IL1RAPL2: variants seen among roughly 807,000 people sequenced by gnomAD.
IL1RAPL2 encodes interleukin 1 receptor accessory protein like 2.
A neutral mutation model predicts 44.1 loss-of-function variants in IL1RAPL2; 3 were observed. That is an observed-to-expected ratio of 0.07 (90% CI 0.03 to 0.18). The LOEUF (loss-of-function observed/expected upper bound fraction) is 0.18. Ranked by LOEUF, IL1RAPL2 falls within the 10% of genes least tolerant of loss-of-function variation. IL1RAPL2 has a pLI of 1.00. For synonymous variants in IL1RAPL2, 181 were observed against 178.8 expected (o/e 1.01, Z -0.10); for missense variants, 391 against 496.4 (o/e 0.79, Z 2.02).
chrX:105,134,802 G>A (rs1399109903), intron 2 of IL1RAPL2, among the ~76,000 whole-genome samples: 1 of 111,291 alleles, frequency 9.0e-6, no homozygotes, highest in African/African-American at 3.3e-5. Context: ...CCTTATGTTT[G>A]TACCTAATCT....
At chrX:105,074,307 C>T (rs1267406398) in intron 2 of IL1RAPL2, among the ~76,000 whole-genome samples, 1 of 111,541 alleles carries the variant, frequency 9.0e-6, no homozygotes, top group Non-Finnish European at 1.9e-5. Flanking sequence ...GGATCCTTTC[C>T]CCATTTCTTG....
intron 2 of IL1RAPL2, among the ~76,000 whole-genome samples, chrX:105,099,453 CT>C (rs36063657): frequency 4.2e-3 from 149 of 35,853 alleles, no homozygotes; most frequent in African/African-American, 0.01. Flanking sequence ...GTGCCACATA[CT>C]TTTTTTTTTT....
chrX:104,936,654 G>A (rs1925035018), intron 2 of IL1RAPL2, among the ~76,000 whole-genome samples: 2 of 91,057 alleles, frequency 2.2e-5, no homozygotes, highest in Admixed American at 1.3e-4. Flanking sequence ...ATGGAGTCTC[G>A]CTCAGTTGCC....
At chrX:104,871,408 A>G (rs763850356) in intron 2 of IL1RAPL2, among the ~76,000 whole-genome samples, 1 of 111,768 alleles carries the variant, frequency 8.9e-6, no homozygotes, top group African/African-American at 3.2e-5. Flanking sequence ...AATATAGAAC[A>G]AGGTGCTGCT....
At position 105,095,903 on chromosome X, in the gene IL1RAPL2, A is replaced by G. The variant is rs1376779730; in HGVS notation, c.83-99572A>G. 2.7e-5 allele frequency among the ~76,000 whole-genome samples: 3 copies of G among 112,104 alleles called. No individual in the cohort carries two copies. In the East Asian group the frequency reaches 8.4e-4, roughly 32 times the overall value. ...AGGACACTAGCAAGAAAATGAAAAG[A>G]TCGCCCACAGAATGGGAGAAAATAT... On this transcript the variant is annotated intron_variant, in intron 2 of 10. Transcript: ENST00000372582.
intron 5 of IL1RAPL2, among the ~76,000 whole-genome samples, chrX:105,305,730 A>G (rs1286672999): frequency 8.9e-6 from 1 of 111,991 alleles, no homozygotes; most frequent in African/African-American, 3.2e-5. Flanking sequence ...TACTATGTCT[A>G]ATATTCCACA....
At chrX:105,121,615 CTTTTT>C (rs375923492) in intron 2 of IL1RAPL2, among the ~76,000 whole-genome samples, 1 of 110,839 alleles carries the variant, frequency 9.0e-6, no homozygotes, top group Non-Finnish European at 1.9e-5. Context: ...TCTGAATAAA[CTTTTT>C]TTTTATTTTT....
chrX:105,757,876 G>A (rs757281389), intron 10 of IL1RAPL2, among the ~76,000 whole-genome samples: 18 of 111,530 alleles, frequency 1.6e-4, no homozygotes, highest in Admixed American at 5.7e-4. Context: ...CAGGATTAAC[G>A]AGTTTTTCCT....
intron 5 of IL1RAPL2, among the ~76,000 whole-genome samples, chrX:105,445,312 C>A (rs1042736111): frequency 2.7e-5 from 3 of 111,064 alleles, no homozygotes; most frequent in African/African-American, 9.8e-5. Flanking sequence ...TCGACTTTAT[C>A]TTTACAAAAA....
chrX:105,149,442 A>T (rs1228942457), intron 2 of IL1RAPL2, among the ~76,000 whole-genome samples: 5 of 112,064 alleles, frequency 4.5e-5, no homozygotes, highest in Non-Finnish European at 9.4e-5. Context: ...TCTTTGCCTT[A>T]GTTTCATCAT....
At chrX:104,886,351 T>C (rs1217776374) in intron 2 of IL1RAPL2, among the ~76,000 whole-genome samples, 1 of 82,812 alleles carries the variant, frequency 1.2e-5, no homozygotes, top group East Asian at 4.0e-4. Flanking sequence ...GAAGGACAAT[T>C]TGGAAGGGCA....
chrX:105,670,096 G>T (rs1470267078), intron 6 of IL1RAPL2, among the ~76,000 whole-genome samples: 11 of 27,898 alleles, frequency 3.9e-4, no homozygotes, highest in African/African-American at 1.4e-3. Context: ...CTCTATTTCT[G>T]GGTTTCCTGT....
intron 1 of IL1RAPL2, among the ~76,000 whole-genome samples, chrX:104,594,023 G>T (rs1439397006): frequency 9.0e-6 from 1 of 111,570 alleles, no homozygotes; most frequent in Non-Finnish European, 1.9e-5. Context: ...TTTCAGCCAG[G>T]GCTTATGCCT....
chrX:105,104,828 G>T (rs1382337445), intron 2 of IL1RAPL2, among the ~76,000 whole-genome samples: 3 of 112,166 alleles, frequency 2.7e-5, no homozygotes, highest in Non-Finnish European at 3.8e-5. Flanking sequence ...GCTATTGAAT[G>T]CTGACCATAA....
chrX:104,636,015 G>A (rs1472748999), intron 1 of IL1RAPL2, among the ~76,000 whole-genome samples: 2 of 111,494 alleles, frequency 1.8e-5, no homozygotes, highest in East Asian at 5.6e-4. Context: ...GTACAGATGG[G>A]GTTTTGGTGT....
intron 2 of IL1RAPL2, among the ~76,000 whole-genome samples, chrX:104,716,151 G>A (rs914245322): frequency 5.8e-4 from 64 of 110,972 alleles, no homozygotes; most frequent in African/African-American, 2.0e-3. Context: ...TCTGATCTTC[G>A]ACAAACTTAA....
chrX:105,590,833 G>T (rs1317613722), intron 6 of IL1RAPL2, among the ~76,000 whole-genome samples: 2 of 102,072 alleles, frequency 2.0e-5, no homozygotes, highest in East Asian at 6.1e-4. Flanking sequence ...GTGTGTGTGT[G>T]TGTGTGTGTG....
intron 2 of IL1RAPL2, among the ~76,000 whole-genome samples, chrX:104,684,959 A>G (rs1427465071): frequency 8.9e-6 from 1 of 112,118 alleles, no homozygotes; most frequent in Non-Finnish European, 1.9e-5. Flanking sequence ...AAGGGTCAGC[A>G]TTCTTTGCTC....
chrX:105,556,650 A>AAT (rs2036898801), intron 6 of IL1RAPL2, among the ~76,000 whole-genome samples: 1 of 111,750 alleles, frequency 8.9e-6, no homozygotes, highest in African/African-American at 3.2e-5. Context: ...ATACAAAAAT[A>AAT]ATTTTAAGTA....
Sources: allele counts gnomAD v4.1 joint callset (sites outside exome capture counted in the v4.1 genomes callset), GRCh38; gene constraint gnomAD v4.1.1; transcripts MANE v1.5; gene names NCBI Gene and HGNC (gene_info 2026-07-23, HGNC 2026-07-21).